The following MYO3B variants were observed in gnomAD, a reference collection of about 807,000 sequenced individuals.
MYO3B encodes the protein myosin-IIIb.
A neutral mutation model predicts 174.6 loss-of-function variants in MYO3B; 156 were observed. The ratio of observed to expected loss-of-function variants is 0.89; its 90% confidence interval spans 0.78 to 1.02. MYO3B has a LOEUF of 1.02. Among genes scored for constraint, MYO3B ranks in the 50% least tolerant of loss-of-function variants. The pLI, the probability that MYO3B is intolerant of heterozygous loss-of-function variation, is 0.00. For synonymous variants in MYO3B, 563 were observed against 569.1 expected, an observed-to-expected ratio of 0.99 and a Z score of 0.15; for missense variants, 1,632 against 1,639.4, an observed-to-expected ratio of 1.00 and a Z score of 0.08.
At chr2:170,508,488 A>G (rs1559068943) in intron 28 of MYO3B, among the ~76,000 whole-genome samples, 1 of 152,232 alleles carries the variant, frequency 6.6e-6, no homozygotes. Flanking sequence ...TTTTCTTCAA[A>G]AGACTCTTGG....
intron 6 of MYO3B, among the ~76,000 whole-genome samples, chr2:170,234,207 A>AC (rs1420130948): frequency 3.0e-5 from 4 of 134,770 alleles, no homozygotes; most frequent in South Asian, 2.1e-4. Context: ...ACAAAAAAAA[A>AC]ACACCTGTTT....
At chr2:170,446,363 C>T (rs2094842501) in intron 23 of MYO3B, among the ~76,000 whole-genome samples, 1 of 152,098 alleles carries the variant, frequency 6.6e-6, no homozygotes, top group Non-Finnish European at 1.5e-5. Flanking sequence ...TTTTTGACTA[C>T]TGGACTAAGG....
chr2:170,360,372 A>G (rs1160552665), intron 8 of MYO3B, among the ~76,000 whole-genome samples: 1 of 152,154 alleles, frequency 6.6e-6, no homozygotes, highest in African/African-American at 2.4e-5. Context: ...GCCAGACATT[A>G]AAAAAATTAC....
In MYO3B at chr2:170,649,210, TATATAATATATTATATATAAA is replaced by T. The variant is rs1559201676; in HGVS notation, c.3734-2414_3734-2394del. Among the ~76,000 whole-genome samples the T allele has an allele frequency of 4.1e-3, 105 of 25,714 alleles. 9 individuals are homozygous for T. Among genetic ancestry groups the T allele is most frequent in the Middle Eastern group, 0.025 (1 of 40 alleles). The allele number at this position is 25,714 out of a possible 152,430, so 16.9% of individuals were successfully genotyped here. On this transcript the variant is annotated intron_variant, in intron 32 of 34. Coordinates refer to ENST00000408978, the MANE Select transcript of MYO3B (RefSeq NM_138995.5). The stretch of plus-strand genomic sequence containing the variant: ...ATAATATATATTATATATAAAATAA[TATATAATATATTATATATAAA>T]ATAATATATATTATATATAAAATAA...
Position 170,375,649 on chromosome 2 carries a change from T to C in MYO3B, c.971+6272T>C, listed in dbSNP as rs542269916. 3.3e-5 allele frequency among the ~76,000 whole-genome samples: 5 copies of C among 152,174 alleles called. 2 individuals carry two copies. The highest frequency in any genetic ancestry group is 1.2e-4 in the African/African-American group (5 of 41,520). ...ACCTTTAAAAACAGATTTCTCACTATTTAACTGCTAGTTTTCCCCAGTAAT... is the reference window on the plus strand; with the variant it reads ...ACCTTTAAAAACAGATTTCTCACTACTTAACTGCTAGTTTTCCCCAGTAAT... On this transcript the variant is annotated intron_variant, in intron 9 of 34. Coordinates refer to ENST00000408978, the MANE Select transcript of MYO3B (RefSeq NM_138995.5).
intron 1 of MYO3B, among the ~76,000 whole-genome samples, chr2:170,193,155 A>G (rs892162161): frequency 7.2e-5 from 11 of 151,816 alleles, no homozygotes; most frequent in Non-Finnish European, 1.5e-4. Context: ...GCTTTTATGA[A>G]TTTTGACATA....
intron 7 of MYO3B, among the ~76,000 whole-genome samples, chr2:170,327,992 C>G (rs570236684): frequency 3.8e-4 from 58 of 151,930 alleles, no homozygotes; most frequent in African/African-American, 1.3e-3. Context: ...GCCCCGACCT[C>G]CCAGGTTCAG....
At position 170,244,750 on chromosome 2, in the gene MYO3B, T is replaced by C. The variant is rs147153185; in HGVS notation, c.749+8614T>C. Among the ~76,000 whole-genome samples the C allele has an allele frequency of 5.6e-4, 85 of 152,336 alleles. No individual in the cohort carries two copies. In the Middle Eastern group the frequency reaches 0.01, roughly 18 times the overall value. ...ATCACTAGGAATTAGCACGGGTTCA[T>C]TGTAAACAAGCCATGTCAGACAATT... On this transcript the variant is annotated intron_variant, in intron 7 of 34. Coordinates refer to ENST00000408978, the MANE Select transcript of MYO3B (RefSeq NM_138995.5).
intron 3 of MYO3B, among the ~76,000 whole-genome samples, chr2:170,212,675 T>G (rs1036225946): frequency 3.3e-5 from 5 of 152,198 alleles, no homozygotes; most frequent in African/African-American, 1.2e-4. Flanking sequence ...GATGGAGTCC[T>G]GCTAACAGGC....
intron 22 of MYO3B, among the ~76,000 whole-genome samples, chr2:170,434,210 G>A (rs1379178439): frequency 1.3e-5 from 2 of 152,064 alleles, no homozygotes; most frequent in Admixed American, 6.5e-5. Context: ...GTTTTTTTGA[G>A]AATGGGTCTT....
At chr2:170,422,489 C>G (rs1483122034) in intron 22 of MYO3B, among the ~76,000 whole-genome samples, 1 of 148,362 alleles carries the variant, frequency 6.7e-6, no homozygotes, top group East Asian at 2.0e-4. Flanking sequence ...GATGGAGTCT[C>G]TCTCTGTTGC....
intron 1 of MYO3B, among the ~76,000 whole-genome samples, chr2:170,179,302 G>T (rs996892313): frequency 2.0e-5 from 3 of 152,184 alleles, no homozygotes; most frequent in Non-Finnish European, 2.9e-5. Context: ...TCCTAGAAGA[G>T]AAGACATTTG....
At position 170,305,914 on chromosome 2, in the gene MYO3B, G is replaced by A. The variant is rs144645155; in HGVS notation, c.750-29471G>A. 5.3e-4 allele frequency among the ~76,000 whole-genome samples: 81 copies of A among 152,202 alleles called. 1 individual carries two copies. The East Asian group carries it at 0.014, about 27-fold the overall frequency. ...ATCCCAAACCTTAGTGGGTTAAAGC[G>A]ATAAACATTTTATTGCATGTTATAA... On this transcript the variant is annotated intron_variant, in intron 7 of 34. Transcript: ENST00000408978.
intron 22 of MYO3B, among the ~76,000 whole-genome samples, chr2:170,436,297 G>C (rs2094753376): frequency 6.6e-6 from 1 of 152,214 alleles, no homozygotes; most frequent in African/African-American, 2.4e-5. Flanking sequence ...TTTGAAAGAA[G>C]TGTGAACACT....
intron 32 of MYO3B, among the ~76,000 whole-genome samples, chr2:170,558,639 C>T (rs1691505710): frequency 6.6e-6 from 1 of 151,956 alleles, no homozygotes. Context: ...GTATAGTATC[C>T]CATTTTAGGA....
At chr2:170,557,280 C>T (rs967629041) in intron 32 of MYO3B, among the ~76,000 whole-genome samples, 1 of 152,006 alleles carries the variant, frequency 6.6e-6, no homozygotes. Context: ...GCTGGGACTA[C>T]AGGCGCCCAC....
chr2:170,444,101 A>C (rs1574988314), intron 23 of MYO3B, 55 bp downstream of exon 23: 6 of 1,492,146 alleles, frequency 4.0e-6, no homozygotes, highest in Non-Finnish European at 4.7e-6. Flanking sequence ...CTCTTGACCC[A>C]GGGATAATCT....
At chr2:170,249,627 A>G (rs1163889350) in intron 7 of MYO3B, among the ~76,000 whole-genome samples, 1 of 152,202 alleles carries the variant, frequency 6.6e-6, no homozygotes, top group Non-Finnish European at 1.5e-5. Context: ...CCTATTACTA[A>G]GTATAAAGAT....
chr2:170,390,952 G>A (rs1479496461), intron 14 of MYO3B, among the ~76,000 whole-genome samples: 1 of 152,170 alleles, frequency 6.6e-6, no homozygotes, highest in Non-Finnish European at 1.5e-5. Flanking sequence ...TATGCTCAGA[G>A]TAGCACCTAT....
Sources: allele counts gnomAD v4.1 joint callset (sites outside exome capture counted in the v4.1 genomes callset), GRCh38; gene constraint gnomAD v4.1.1; transcripts MANE v1.5; gene names NCBI Gene and HGNC (gene_info 2026-07-23, HGNC 2026-07-21).